Variants in MRM1 observed in about 807,000 individuals in gnomAD.
MRM1 encodes the protein rRNA methyltransferase 1, mitochondrial.
A neutral mutation model predicts 25.0 loss-of-function variants in MRM1; 24 were observed. The ratio of observed to expected loss-of-function variants is 0.96; its 90% CI spans 0.69 to 1.35. MRM1 has a LOEUF of 1.35. Ranked by LOEUF, MRM1 falls within the 40% of genes most tolerant of loss-of-function variation. The pLI, the probability that MRM1 is intolerant of heterozygous loss-of-function variation, is 0.00. For synonymous variants in MRM1, 188 were observed against 199.2 expected, an observed-to-expected ratio of 0.94 and a Z score of 0.47; for missense variants, 431 against 464.1, an observed-to-expected ratio of 0.93 and a Z score of 0.65.
Position 36,608,772 on chromosome 17 carries a change from C to T in MRM1, c.*357C>T. On this transcript the variant is annotated 3_prime_UTR_variant, in exon 5 of 5. Transcript: ENST00000614766. ...CCGTTCCTCTTGAACCAGTCATTGC[C>T]TGTGGCAAATGTGTGTATGAGAATG... The T allele has an allele frequency of 4.5e-6, 1 of 222,246 alleles. No homozygotes were observed. Among genetic ancestry groups the T allele is most frequent in the Non-Finnish European group, 8.7e-6 (1 of 114,312 alleles). 13.8% of individuals were successfully genotyped at this position (222,246 alleles called of 1,614,324 possible). A position where few individuals can be genotyped will look rare whatever the true frequency, so the allele number is the denominator to read the frequency against.
chr17:36,602,316 T>C lies in MRM1; in HGVS notation c.506T>C (p.Leu169Pro). ...FGAVLRSAHF[L>P]GVDKVITSRR... ...GCTGTGCTGCGTTCCGCACACTTCCTCGGAGTGGATAAGGTCATCACCAGC... is the reference window on the plus strand; with the variant it reads ...GCTGTGCTGCGTTCCGCACACTTCCCCGGAGTGGATAAGGTCATCACCAGC... Residue 169 changes from leucine to proline, a missense_variant, in exon 1 of 5, where the codon CTC becomes CCC. Coordinates refer to ENST00000614766, the MANE Select transcript of MRM1 (RefSeq NM_024864.5). The surrounding 1 kb of genome is among the most constrained non-coding windows in gnomAD (Gnocchi z 4.1). 6.3e-7 allele frequency: 1 copy of C among 1,584,014 alleles called. No individual in the cohort carries two copies. Among genetic ancestry groups the C allele is most frequent in the East Asian group, 2.3e-5 (1 of 44,278 alleles).
downstream of MRM1, among the ~76,000 whole-genome samples, chr17:36,613,870 G>C (rs902587876): frequency 7.9e-5 from 12 of 151,972 alleles, no homozygotes; most frequent in Non-Finnish European, 1.5e-4. Flanking sequence ...GACAGTGCCG[G>C]CTCCACATGT....
the MRM1 span, among the ~76,000 whole-genome samples, chr17:36,615,343 T>G: frequency 6.6e-6 from 1 of 152,116 alleles, no homozygotes. Context: ...AGTACCTTTG[T>G]GGTTTATCTG....
chr17:36,626,639 G>A, the MRM1 span, among the ~76,000 whole-genome samples: 1 of 152,196 alleles, frequency 6.6e-6, no homozygotes, highest in Non-Finnish European at 1.5e-5. Context: ...GGGATTAGAG[G>A]TGTGAGCTAC....
At chr17:36,605,269 C>T (rs543443905) in intron 2 of MRM1, among the ~76,000 whole-genome samples, 2 of 152,214 alleles carry the variant, frequency 1.3e-5, no homozygotes, top group East Asian at 1.9e-4. Context: ...CATCCTCCCA[C>T]CTCAGCCTCC....
chr17:36,621,625 C>A, the MRM1 span, among the ~76,000 whole-genome samples: 1 of 152,206 alleles, frequency 6.6e-6, no homozygotes, highest in South Asian at 2.1e-4. Flanking sequence ...TAAAGGCCAT[C>A]GATTTTCTTC....
chr17:36,619,939 G>C, the MRM1 span, among the ~76,000 whole-genome samples: 1 of 152,058 alleles, frequency 6.6e-6, no homozygotes, highest in African/African-American at 2.4e-5. Context: ...ACGTTTTTCC[G>C]GTCATTTGTG....
Position 36,602,682 on chromosome 17 carries a change from G to A in MRM1, c.636+36G>A, listed in dbSNP as rs2074890662. On this transcript the variant is annotated intron_variant, in intron 2 of 4. Coordinates refer to ENST00000614766, the MANE Select transcript of MRM1 (RefSeq NM_024864.5). The surrounding 1 kb of genome is among the most constrained non-coding windows in gnomAD (Gnocchi z 4.1). ...GCAAGAGGGGAAGGAACAGATGTGA[G>A]CCCAGCTCAGCCTCTTCAAGGGGAC... The A allele has an allele frequency of 6.2e-7, 1 of 1,607,756 alleles. No homozygotes were observed. The highest frequency in any genetic ancestry group is 8.5e-7 in the Non-Finnish European group (1 of 1,174,298).
intron 2 of MRM1, among the ~76,000 whole-genome samples, chr17:36,606,854 G>A (rs547844084): frequency 1.2e-3 from 174 of 150,460 alleles, no homozygotes; most frequent in African/African-American, 1.9e-3. Context: ...CAGGTGATCC[G>A]CCCGCCTCGG....
At chr17:36,610,576 C>T (rs1015757382), downstream of MRM1, among the ~76,000 whole-genome samples, 3 of 152,048 alleles carry the variant, frequency 2.0e-5, no homozygotes, top group Admixed American at 6.6e-5. Flanking sequence ...AGAAAGAGGA[C>T]AGAATTCCTT....
rs1026438600 is a variant in MRM1 at position 36,601,693 on chromosome 17, G to A, written c.-118G>A. The A allele has an allele frequency of 9.1e-6, 10 of 1,101,780 alleles. No homozygotes were observed. Among genetic ancestry groups the A allele is most frequent in the Non-Finnish European group, 1.3e-5 (10 of 796,150 alleles). The allele number at this position is 1,101,780 out of a possible 1,614,324, so 68.3% of individuals were successfully genotyped here. A position where few individuals can be genotyped will look rare whatever the true frequency, so the allele number is the denominator to read the frequency against. Reference sequence around the variant, plus strand: ...TGTTCCTGTCCGAGAGAGCTCGGCGGAGACGGCTGTCGAGTACCCTTCACC... The same window carrying A: ...TGTTCCTGTCCGAGAGAGCTCGGCGAAGACGGCTGTCGAGTACCCTTCACC... On this transcript the variant is annotated 5_prime_UTR_variant, in exon 1 of 5. Transcript: ENST00000614766.
At chr17:36,625,612 C>T in the MRM1 span, among the ~76,000 whole-genome samples, 4 of 151,880 alleles carry the variant, frequency 2.6e-5, no homozygotes, top group Admixed American at 1.3e-4. Flanking sequence ...CAAGTGCCCA[C>T]GACCACGCCT....
At chr17:36,605,700 G>A (rs1021312457) in intron 2 of MRM1, among the ~76,000 whole-genome samples, 1 of 151,662 alleles carries the variant, frequency 6.6e-6, no homozygotes, top group African/African-American at 2.4e-5. Flanking sequence ...AAAACTGAGC[G>A]CTTGTTCCTT....
the MRM1 span, among the ~76,000 whole-genome samples, chr17:36,629,132 T>C: frequency 2.0e-5 from 3 of 152,178 alleles, no homozygotes; most frequent in Non-Finnish European, 4.4e-5. Flanking sequence ...AAAGTTTACT[T>C]TTCACCAGTG....
downstream of MRM1, among the ~76,000 whole-genome samples, chr17:36,612,199 G>T (rs1375697557): frequency 6.6e-6 from 1 of 152,166 alleles, no homozygotes; most frequent in Admixed American, 6.5e-5. Context: ...CTGTCCCAGT[G>T]GTCTGGGCCA....
the MRM1 span, among the ~76,000 whole-genome samples, chr17:36,628,186 CT>C: frequency 2.0e-5 from 3 of 152,206 alleles, no homozygotes; most frequent in African/African-American, 7.2e-5. Context: ...CTGGGTCCCC[CT>C]ATGTTGCTCA....
the MRM1 span, among the ~76,000 whole-genome samples, chr17:36,625,327 T>G: frequency 8.5e-5 from 13 of 152,120 alleles, no homozygotes; most frequent in African/African-American, 2.9e-4. Flanking sequence ...CTTCTCCTTC[T>G]CCTTCTCCTT....
the MRM1 span, among the ~76,000 whole-genome samples, chr17:36,627,292 G>A: frequency 6.6e-6 from 1 of 152,226 alleles, no homozygotes; most frequent in African/African-American, 2.4e-5. Context: ...AAGTGAGCGG[G>A]CTCCGTCACC....
Position 36,602,846 on chromosome 17 carries a change from A to G in MRM1, c.636+200A>G. On this transcript the variant is annotated intron_variant, in intron 2 of 4. Coordinates refer to ENST00000614766, the MANE Select transcript of MRM1 (RefSeq NM_024864.5). This position sits in a 1 kb window ranked among gnomAD's most constrained non-coding sequence, Gnocchi z 4.1. ...CATTAGCTGAATTCTTCCTAGCGTT[A>G]TACCCTTTCCTGCACCCCTTCCCCA... 1 of 810,998 alleles carries G rather than the reference A, an allele frequency of 1.2e-6. No individual in the cohort carries two copies. Among genetic ancestry groups the G allele is most frequent in the Non-Finnish European group, 1.5e-6 (1 of 671,058 alleles). 50.2% of individuals were successfully genotyped at this position (810,998 alleles called of 1,614,324 possible).
Sources: allele counts gnomAD v4.1 joint callset (sites outside exome capture counted in the v4.1 genomes callset), GRCh38; gene constraint gnomAD v4.1.1; non-coding constraint Gnocchi (gnomAD v3.1); transcripts MANE v1.5; gene names NCBI Gene and HGNC (gene_info 2026-07-23, HGNC 2026-07-21).